The following CERS5 variants were observed in gnomAD, a reference collection of about 807,000 sequenced individuals.
CERS5 encodes LAG1 homolog, ceramide synthase 5.
CERS5 carries 37 observed loss-of-function variants against 58.9 expected under a neutral mutation model. The ratio of observed to expected loss-of-function variants is 0.63; its 90% CI spans 0.48 to 0.83. CERS5 has a LOEUF of 0.83. Among genes scored for constraint, CERS5 ranks in the 40% least tolerant of loss-of-function variants. The pLI is 0.00. For synonymous variants in CERS5, 147 were observed against 177.8 expected (o/e 0.83, Z 1.38); for missense variants, 398 against 489.3 (o/e 0.81, Z 1.76).
chr12:50,164,400 C>T (rs1939643927), intron 1 of CERS5, among the ~76,000 whole-genome samples: 1 of 152,016 alleles, frequency 6.6e-6, no homozygotes, highest in Admixed American at 6.6e-5. Context: ...CACTGCAGTC[C>T]AGCCTGGGTG....
At chr12:50,166,098 G>A (rs1256981535) in intron 1 of CERS5, 3 of 327,560 alleles carry the variant, frequency 9.2e-6, no homozygotes, top group Non-Finnish European at 1.8e-5. Flanking sequence ...AGAGGCGGGC[G>A]GATCACTTGA....
rs768706679 is a variant in CERS5 at position 50,143,078 on chromosome 12, T to G, written c.430A>C (p.Ser144Arg). Reference sequence around the variant, plus strand: ...CCTCCCTCCTTGCGTACTTACATGCTTTCACAGAATTTAGTAAGCGTTGGG... The same window carrying G: ...CCTCCCTCCTTGCGTACTTACATGCGTTCACAGAATTTAGTAAGCGTTGGG... ...KPPTLTKFCE[S>R]MWRFTFYLCI... The change falls in exon 3 of 10, where the codon AGC (serine) becomes CGC (arginine). Residue 144 changes from serine (S) to arginine (R), a missense_variant. Ser to Arg is a moderately radical substitution (Grantham distance 110). Coordinates refer to ENST00000317551, the MANE Select transcript of CERS5 (RefSeq NM_147190.5). 6.2e-7 allele frequency: 1 copy of G among 1,606,384 alleles called. No homozygotes were observed. Among genetic ancestry groups the G allele is most frequent in the East Asian group, 2.2e-5 (1 of 44,716 alleles).
rs754917459 is a variant in CERS5 at position 50,160,304 on chromosome 12, CAAAA to C, written c.197+6793_197+6796del. 2.1e-4 allele frequency among the ~76,000 whole-genome samples: 18 copies of C among 84,802 alleles called. No individual in the cohort carries two copies. In the South Asian group the frequency reaches 7.2e-3, roughly 34 times the overall value. The allele number at this position is 84,802 out of a possible 152,430, so 55.6% of individuals were successfully genotyped here. ...TGGGCAACAGAGCGAGACTCTGTCTCAAAAAAAAAAAAAAGAAAAAAAAAAGAAA... is the reference window on the plus strand; with the variant it reads ...TGGGCAACAGAGCGAGACTCTGTCTCAAAAAAAAAAGAAAAAAAAAAGAAA... On this transcript the variant is annotated intron_variant, in intron 1 of 9. Transcript: ENST00000317551.
At chr12:50,137,556 C>A (rs1403874561) in intron 6 of CERS5, among the ~76,000 whole-genome samples, 172 bp downstream of exon 6, 1 of 152,152 alleles carries the variant, frequency 6.6e-6, no homozygotes, top group African/African-American at 2.4e-5. Context: ...AAATATACTT[C>A]ATCATTAATT....
chr12:50,138,717 G>GTCCTCTTTTC lies in CERS5; in HGVS notation c.493-101_493-100insGAAAAGAGGA, dbSNP rs1217009774. 3 of 1,024,420 alleles carry GTCCTCTTTTC rather than the reference G, an allele frequency of 2.9e-6. No individual in the cohort carries two copies. The African/African-American group carries it at 4.7e-5, about 16-fold the overall frequency. The allele number at this position is 1,024,420 out of a possible 1,614,324, so 63.5% of individuals were successfully genotyped here. A position where few individuals can be genotyped will look rare whatever the true frequency, so the allele number is the denominator to read the frequency against. On this transcript the variant is annotated intron_variant, in intron 4 of 9. Transcript: ENST00000317551. ...CTTCTCTCTAGGCTGGGGCAAAAGA[G>GTCCTCTTTTC]GACAGAAAAGCCCCCAAACAGATTT...
At chr12:50,150,605 G>A (rs989524809) in intron 1 of CERS5, among the ~76,000 whole-genome samples, 1 of 152,088 alleles carries the variant, frequency 6.6e-6, no homozygotes, top group Admixed American at 6.6e-5. Flanking sequence ...CATATGAAAG[G>A]AATATAAACT....
intron 1 of CERS5, among the ~76,000 whole-genome samples, chr12:50,146,353 G>T (rs1268219271): frequency 6.6e-6 from 1 of 152,200 alleles, no homozygotes; most frequent in African/African-American, 2.4e-5. Flanking sequence ...ACCTCCAGCA[G>T]AAAGTGAGAA....
intron 1 of CERS5, among the ~76,000 whole-genome samples, chr12:50,148,916 AAAAAAAAAAAAAT>A (rs1266437025): frequency 2.0e-5 from 2 of 98,564 alleles, no homozygotes; most frequent in African/African-American, 8.9e-5. Context: ...AAAAAAAAAA[AAAAAAAAAAAAAT>A]ATATATATAT....
intron 6 of CERS5, among the ~76,000 whole-genome samples, chr12:50,136,908 A>T (rs1347060538): frequency 6.6e-6 from 1 of 152,200 alleles, no homozygotes; most frequent in East Asian, 1.9e-4. Context: ...AAACTTTCTT[A>T]TATGTATCAC....
Position 50,133,390 on chromosome 12 carries a change from T to C in CERS5, c.1029+1156A>G, listed in dbSNP as rs539628912. On this transcript the variant is annotated intron_variant, in intron 9 of 9. Coordinates refer to ENST00000317551, the MANE Select transcript of CERS5 (RefSeq NM_147190.5). ...TTTCGCTCTTGGCATAAGATGGGTA[T>C]TTGAAACACTACATACCCATTCACT... 6 of 1,054,774 alleles carry C rather than the reference T, an allele frequency of 5.7e-6. No homozygotes were observed. In the East Asian group the frequency reaches 3.7e-4, roughly 66 times the overall value. The allele number at this position is 1,054,774 out of a possible 1,614,324, so 65.3% of individuals were successfully genotyped here.
At chr12:50,138,707 G>T in intron 4 of CERS5, 90 bp from the exon 5 acceptor site, 2 of 1,144,856 alleles carry the variant, frequency 1.7e-6, no homozygotes, top group East Asian at 2.4e-5. Context: ...CTCTAGGCTG[G>T]GGCAAAAGAG....
rs112981478 is a variant in CERS5 at position 50,130,689 on chromosome 12, C to T, written c.1035G>A (p.Ser345=). 42 of 1,585,398 alleles carry T rather than the reference C, an allele frequency of 2.6e-5. No individual in the cohort carries two copies. The African/African-American group carries it at 3.8e-4, about 14-fold the overall frequency. Residue 345 remains serine (S), a synonymous_variant, in exon 10 of 10, where the codon TCG becomes TCA. Transcript: ENST00000317551. The part of the protein sequence containing the change: ...ALKALIRGKV[S]KDDRSDVESS... Reference sequence around the variant, plus strand: ...TCTCCACATCACTGCGATCATCCTTCGATACCTGGGTGGGATGAGACCAAA... The same window carrying T: ...TCTCCACATCACTGCGATCATCCTTTGATACCTGGGTGGGATGAGACCAAA...
At chr12:50,153,576 A>G (rs1236525843) in intron 1 of CERS5, among the ~76,000 whole-genome samples, 1 of 151,858 alleles carries the variant, frequency 6.6e-6, no homozygotes, top group Non-Finnish European at 1.5e-5. Flanking sequence ...AAAATATTGT[A>G]TAATGTCACA....
intron 8 of CERS5, chr12:50,135,440 T>G: frequency 1.6e-6 from 1 of 612,256 alleles, no homozygotes. Flanking sequence ...TACTTAGGCA[T>G]AAAATGAGGA....
chr12:50,132,007 A>C lies in CERS5; in HGVS notation c.1030-1313T>G, dbSNP rs141222403. On this transcript the variant is annotated intron_variant, in intron 9 of 9. Coordinates refer to ENST00000317551, the MANE Select transcript of CERS5 (RefSeq NM_147190.5). ...GTAGTCCTAGCTACTTGGGAGGCTG[A>C]GGCAGGAGCATCTCTTGAGCCCAGG... Among the ~76,000 whole-genome samples the C allele has an allele frequency of 7.9e-3, 1,198 of 152,168 alleles. 17 individuals are homozygous for C. The highest frequency in any genetic ancestry group is 0.027 in the African/African-American group (1,129 of 41,516).
intron 1 of CERS5, among the ~76,000 whole-genome samples, chr12:50,159,425 T>C (rs1939026946): frequency 6.6e-6 from 1 of 152,226 alleles, no homozygotes; most frequent in Non-Finnish European, 1.5e-5. Flanking sequence ...ATGTCTTAGA[T>C]TCATTATTTA....
At chr12:50,142,220 A>C in intron 3 of CERS5, 110 bp from the exon 4 acceptor site, 1 of 709,672 alleles carries the variant, frequency 1.4e-6, no homozygotes, top group Admixed American at 2.8e-5. Flanking sequence ...GGTGAGAAAG[A>C]GGATCAATTC....
chr12:50,154,829 CTGT>C (rs1938385459), intron 1 of CERS5, among the ~76,000 whole-genome samples: 2 of 151,990 alleles, frequency 1.3e-5, no homozygotes, highest in African/African-American at 4.8e-5. Flanking sequence ...TGCACCTGGC[CTGT>C]TGTTATTTTT....
At chr12:50,152,898 C>T (rs987005534) in intron 1 of CERS5, among the ~76,000 whole-genome samples, 1 of 152,014 alleles carries the variant, frequency 6.6e-6, no homozygotes, top group African/African-American at 2.4e-5. Flanking sequence ...AGTAAAACCC[C>T]ATCTCTACTA....
Sources: allele counts gnomAD v4.1 joint callset (sites outside exome capture counted in the v4.1 genomes callset), GRCh38; gene constraint gnomAD v4.1.1; transcripts MANE v1.5; gene names NCBI Gene and HGNC (gene_info 2026-07-23, HGNC 2026-07-21).